Variants in CXADR observed in about 807,000 individuals in gnomAD.
The protein encoded by CXADR is CXADR cell adhesion molecule, also known as coxsackievirus and adenovirus receptor.
Under a neutral mutation model 40.3 loss-of-function variants are expected in CXADR, and 20 were observed. That is an observed-to-expected ratio of 0.50 (90% CI 0.35 to 0.72). CXADR has a LOEUF of 0.72. Ranked by LOEUF, CXADR falls within the 30% of genes least tolerant of loss-of-function variation. The pLI, the probability that CXADR is intolerant of heterozygous loss-of-function variation, is 0.01. For synonymous variants in CXADR, 150 were observed against 161.3 expected (o/e 0.93, Z 0.53); for missense variants, 332 against 449.1 (o/e 0.74, Z 2.36).
chr21:17,530,209 C>T (rs2060655094), intron 1 of CXADR, among the ~76,000 whole-genome samples: 1 of 148,744 alleles, frequency 6.7e-6, no homozygotes, highest in African/African-American at 2.5e-5. Flanking sequence ...TGATCAATCA[C>T]CCACCTCGGC....
the CXADR span, among the ~76,000 whole-genome samples, chr21:17,600,350 T>G: frequency 6.6e-6 from 1 of 152,220 alleles, no homozygotes; most frequent in African/African-American, 2.4e-5. Context: ...ATTAAAGTGA[T>G]TCTAAGTTTG....
rs572825691 is a variant in CXADR, at chr21:17,554,185, A to G, written c.415+2232A>G. 2.0e-5 allele frequency among the ~76,000 whole-genome samples: 3 copies of G among 152,176 alleles called. No homozygotes were observed. The South Asian group carries it at 6.2e-4, about 32-fold the overall frequency. ...GACAAGCATGTTTGTGTGTTTGTGTATTGTCTGGATCCTGTGGGACCAGGT... is the reference window on the plus strand; with the variant it reads ...GACAAGCATGTTTGTGTGTTTGTGTGTTGTCTGGATCCTGTGGGACCAGGT... On this transcript the variant is annotated intron_variant, in intron 3 of 6. Transcript: ENST00000284878.
chr21:17,632,031 G>A, the CXADR span, among the ~76,000 whole-genome samples: 42 of 152,060 alleles, frequency 2.8e-4, no homozygotes, highest in East Asian at 3.1e-3. Context: ...GGCTAGTCTC[G>A]AACTCCAGGG....
At chr21:17,520,444 G>A (rs1194305039) in intron 1 of CXADR, among the ~76,000 whole-genome samples, 1 of 152,166 alleles carries the variant, frequency 6.6e-6, no homozygotes, top group Non-Finnish European at 1.5e-5. Flanking sequence ...AGTTTTACAT[G>A]ATGTCACTGC....
intron 1 of CXADR, among the ~76,000 whole-genome samples, chr21:17,542,197 C>T (rs1232063129): frequency 6.6e-6 from 1 of 152,140 alleles, no homozygotes; most frequent in African/African-American, 2.4e-5. Flanking sequence ...CTAGTGATAA[C>T]ATTTCATGAG....
the CXADR span, among the ~76,000 whole-genome samples, chr21:17,623,430 T>A: frequency 5.3e-5 from 8 of 152,152 alleles, no homozygotes; most frequent in East Asian, 1.5e-3. Context: ...AAAAAAAAAA[T>A]TTAATGTAAG....
intron 7 of CXADR, among the ~76,000 whole-genome samples, chr21:17,590,645 T>C (rs1005773619): frequency 1.3e-5 from 2 of 152,080 alleles, no homozygotes; most frequent in South Asian, 2.1e-4. Context: ...CACAATGTTA[T>C]TGCTTCATCC....
chr21:17,599,901 C>T, the CXADR span, among the ~76,000 whole-genome samples: 4,600 of 152,150 alleles, frequency 0.03, 156 homozygotes, highest in East Asian at 0.18. Flanking sequence ...TATTTATACT[C>T]ACAAAAATGA....
intron 1 of CXADR, chr21:17,518,765 G>A (rs2060492391): frequency 6.3e-7 from 1 of 1,585,036 alleles, no homozygotes; most frequent in Non-Finnish European, 8.7e-7. Context: ...TTAGCAGAAA[G>A]GGAAGCTTGG....
the CXADR span, among the ~76,000 whole-genome samples, chr21:17,635,967 A>G: frequency 1.8e-4 from 28 of 152,284 alleles, 1 homozygote; most frequent in African/African-American, 6.3e-4. Flanking sequence ...ATTTAATTTT[A>G]CTCAGCAATG....
chr21:17,615,091 C>G, the CXADR span, among the ~76,000 whole-genome samples: 1 of 152,114 alleles, frequency 6.6e-6, no homozygotes, highest in Non-Finnish European at 1.5e-5. Context: ...GAGGTGGGGC[C>G]TTTGGGAGAC....
downstream of CXADR, among the ~76,000 whole-genome samples, chr21:17,596,260 C>T (rs1428873959): frequency 6.6e-6 from 1 of 151,930 alleles, no homozygotes; most frequent in East Asian, 1.9e-4. Flanking sequence ...TTAATGGTTT[C>T]TTTGATGAAC....
chr21:17,596,596 CTG>C (rs2061506870), downstream of CXADR, among the ~76,000 whole-genome samples: 1 of 151,930 alleles, frequency 6.6e-6, no homozygotes, highest in Non-Finnish European at 1.5e-5. Context: ...AAAAGACTAA[CTG>C]TATGTATGTG....
At chr21:17,584,525 A>G (rs1183249576) in intron 7 of CXADR, among the ~76,000 whole-genome samples, 1 of 152,192 alleles carries the variant, frequency 6.6e-6, no homozygotes, top group Non-Finnish European at 1.5e-5. Flanking sequence ...TGCGATTCTG[A>G]AAGTTTTAAA....
At chr21:17,595,525 G>A (rs2061493537), downstream of CXADR, among the ~76,000 whole-genome samples, 1 of 151,650 alleles carries the variant, frequency 6.6e-6, no homozygotes, top group African/African-American at 2.4e-5. Flanking sequence ...TATGTATACT[G>A]GATTGTATCC....
intron 2 of CXADR, among the ~76,000 whole-genome samples, chr21:17,548,617 G>A (rs1023292047): frequency 1.3e-5 from 2 of 151,828 alleles, no homozygotes; most frequent in Admixed American, 6.6e-5. Context: ...GATCCTGTGC[G>A]TAAGATAGGG....
At chr21:17,587,506 T>C (rs1306216751) in intron 7 of CXADR, among the ~76,000 whole-genome samples, 1 of 152,232 alleles carries the variant, frequency 6.6e-6, no homozygotes, top group Non-Finnish European at 1.5e-5. Context: ...ATGAGCATTT[T>C]TTCATGTGTC....
intron 1 of CXADR, among the ~76,000 whole-genome samples, chr21:17,519,246 T>C (rs1471676531): frequency 6.6e-6 from 1 of 152,240 alleles, no homozygotes; most frequent in African/African-American, 2.4e-5. Context: ...ATATTCATTG[T>C]TGCAGTCCCT....
chr21:17,554,960 A>G (rs1182633218), intron 3 of CXADR, among the ~76,000 whole-genome samples: 2 of 152,088 alleles, frequency 1.3e-5, no homozygotes, highest in African/African-American at 2.4e-5. Flanking sequence ...GAGATGATTG[A>G]TAGTCGTCTG....
Sources: allele counts gnomAD v4.1 joint callset (sites outside exome capture counted in the v4.1 genomes callset), GRCh38; gene constraint gnomAD v4.1.1; transcripts MANE v1.5; gene names NCBI Gene and HGNC (gene_info 2026-07-23, HGNC 2026-07-21).